FOXN2: variants seen among roughly 807,000 people sequenced by gnomAD.
FOXN2 encodes the protein forkhead box N2.
In FOXN2, 19 loss-of-function variants were observed where a neutral mutation model predicts 41.2. The ratio of observed to expected loss-of-function variants is 0.46; its 90% CI spans 0.32 to 0.68. The LOEUF is 0.68. FOXN2 is among the 30% of genes least tolerant of loss of function. The pLI is 0.03. For synonymous variants in FOXN2, 195 were observed against 176.8 expected (o/e 1.10, Z -0.82); for missense variants, 587 against 509.4 (o/e 1.15, Z -1.47).
At chr2:48,373,499 T>C (rs1673042048) in intron 6 of FOXN2, 139 bp downstream of exon 6, 1 of 535,330 alleles carries the variant, frequency 1.9e-6, no homozygotes, top group Non-Finnish European at 3.3e-6. Flanking sequence ...AGTTTCTGTT[T>C]TATTATACTT....
Position 48,346,741 on chromosome 2 carries a change from G to A in FOXN2, c.527G>A (p.Ser176Asn), listed in dbSNP as rs1671129055. Reference protein sequence around the residue: ...LNKCFQKVERSHGKVNGKGSL... With the variant: ...LNKCFQKVERNHGKVNGKGSL... ...AAATGTTTTCAGAAAGTGGAAAGAA[G>A]CCATGGCAAGGTCAGTGTTTATGAA... The change falls in exon 3 of 7, where the codon AGC (serine) becomes AAC (asparagine). Residue 176 changes from serine to asparagine, a missense_variant. Physicochemically the swap from Ser to Asn is conservative, Grantham distance 46 (BLOSUM62 1). Coordinates refer to ENST00000340553, the MANE Select transcript of FOXN2 (RefSeq NM_002158.4). The A allele has an allele frequency of 1.3e-6, 2 of 1,586,372 alleles. No individual in the cohort carries two copies.
chr2:48,316,834 G>C (rs1213756199), intron 1 of FOXN2, among the ~76,000 whole-genome samples: 2 of 152,166 alleles, frequency 1.3e-5, no homozygotes, highest in Non-Finnish European at 2.9e-5. Context: ...CTGGAAGAAT[G>C]TTAAACCACA....
intron 4 of FOXN2, among the ~76,000 whole-genome samples, chr2:48,360,461 G>A (rs1672100302): frequency 1.3e-5 from 2 of 152,158 alleles, no homozygotes; most frequent in Non-Finnish European, 2.9e-5. Context: ...AGTATTGTTA[G>A]ATAACTTGTA....
chr2:48,322,015 C>T (rs1385617369), intron 1 of FOXN2, among the ~76,000 whole-genome samples: 2 of 152,178 alleles, frequency 1.3e-5, no homozygotes, highest in African/African-American at 4.8e-5. Context: ...GTGGCGTGAT[C>T]TCGGCTTATT....
At chr2:48,352,990 C>T (rs1671552170) in intron 3 of FOXN2, among the ~76,000 whole-genome samples, 1 of 152,058 alleles carries the variant, frequency 6.6e-6, no homozygotes, top group South Asian at 2.1e-4. Flanking sequence ...CCTCATTTCT[C>T]ATCAAATTGA....
intron 3 of FOXN2, among the ~76,000 whole-genome samples, chr2:48,355,312 G>C (rs1036945084): frequency 6.6e-6 from 1 of 152,142 alleles, no homozygotes; most frequent in African/African-American, 2.4e-5. Context: ...AAAGGATGCA[G>C]TCCAGAGTAT....
At chr2:48,365,966 T>G (rs943453944) in intron 5 of FOXN2, among the ~76,000 whole-genome samples, 1 of 152,194 alleles carries the variant, frequency 6.6e-6, no homozygotes, top group Non-Finnish European at 1.5e-5. Context: ...AGACATTCAT[T>G]ACAACTAATA....
At chr2:48,351,342 A>T (rs750982552) in intron 3 of FOXN2, among the ~76,000 whole-genome samples, 1 of 152,188 alleles carries the variant, frequency 6.6e-6, no homozygotes, top group Non-Finnish European at 1.5e-5. Flanking sequence ...CAGTGGTGAG[A>T]TGGTTCCTGG....
intron 4 of FOXN2, among the ~76,000 whole-genome samples, chr2:48,360,466 C>G (rs1405480402): frequency 6.6e-6 from 1 of 152,074 alleles, no homozygotes; most frequent in Non-Finnish European, 1.5e-5. Flanking sequence ...TGTTAGATAA[C>G]TTGTAGAGGA....
intron 2 of FOXN2, among the ~76,000 whole-genome samples, chr2:48,342,364 CTG>C (rs1417740932): frequency 2.0e-5 from 3 of 151,776 alleles, no homozygotes; most frequent in Non-Finnish European, 4.4e-5. Flanking sequence ...GGATGAATAT[CTG>C]TGTGTCCCTC....
rs369661308 is a variant in FOXN2, at chr2:48,346,655, A to T, written c.441A>T (p.Pro147=). ...ATAGCTGGATTCTGGACCATTTTCC[A>T]TATTTTGCTACTGCACCAACAGGCT... ...EIYSWILDHF[P]YFATAPTGWK... Residue 147 remains proline (P), a synonymous_variant, in exon 3 of 7, where the codon CCA becomes CCT. Transcript: ENST00000340553. 14 of 1,614,012 alleles carry T rather than the reference A, an allele frequency of 8.7e-6. No homozygotes were observed. The highest frequency in any genetic ancestry group is 1.2e-5 in the Non-Finnish European group (14 of 1,180,008).
intron 3 of FOXN2, among the ~76,000 whole-genome samples, chr2:48,350,930 C>T (rs1325205912): frequency 6.6e-6 from 1 of 152,284 alleles, no homozygotes; most frequent in East Asian, 1.9e-4. Flanking sequence ...TCATATGTTA[C>T]ATCTCACCTC....
At chr2:48,336,029 A>G (rs951761985) in intron 2 of FOXN2, among the ~76,000 whole-genome samples, 46 of 124,494 alleles carry the variant, frequency 3.7e-4, no homozygotes, top group Admixed American at 9.2e-4. Context: ...CTCTGTCTCA[A>G]AAAAAAAAAA....
chr2:48,359,499 GGCCT>G (rs1672034890), intron 4 of FOXN2, among the ~76,000 whole-genome samples: 1 of 152,074 alleles, frequency 6.6e-6, no homozygotes. Context: ...TCACCATGTT[GGCCT>G]GGGTGGTCTC....
chr2:48,351,263 A>C (rs1310277695), intron 3 of FOXN2, among the ~76,000 whole-genome samples: 1 of 150,552 alleles, frequency 6.6e-6, no homozygotes. Context: ...CACTCGGCCA[A>C]AGTTGAATCC....
chr2:48,349,409 C>T (rs57537506), intron 3 of FOXN2, among the ~76,000 whole-genome samples: 32,413 of 151,974 alleles, frequency 0.21, 3,813 homozygotes, highest in East Asian at 0.45. Context: ...TTTGAACCCT[C>T]GGAGGTTGCA....
At chr2:48,374,171 G>A (rs1325687088) in intron 6 of FOXN2, among the ~76,000 whole-genome samples, 1 of 151,958 alleles carries the variant, frequency 6.6e-6, no homozygotes, top group Admixed American at 6.6e-5. Context: ...TTAGTATCAA[G>A]TATATACATA....
chr2:48,357,843 GT>G (rs1671903358), intron 3 of FOXN2, among the ~76,000 whole-genome samples: 1 of 122,510 alleles, frequency 8.2e-6, no homozygotes, highest in Non-Finnish European at 1.7e-5. Context: ...AAATACATTT[GT>G]AAAACTTGTC....
At chr2:48,369,128 A>G (rs1230605977) in intron 5 of FOXN2, among the ~76,000 whole-genome samples, 1 of 152,242 alleles carries the variant, frequency 6.6e-6, no homozygotes, top group Non-Finnish European at 1.5e-5. Flanking sequence ...ACACTTTACA[A>G]TATTCAGAAA....
Sources: gnomAD v4.1 joint callset for allele counts (sites outside exome capture counted in the v4.1 genomes callset) on GRCh38, gnomAD v4.1.1 for gene constraint, MANE v1.5 for transcripts, NCBI Gene and HGNC (gene_info 2026-07-23, HGNC 2026-07-21) for gene names.